Variants in BACH2 observed in about 807,000 individuals in gnomAD.
The protein encoded by BACH2 is BACH transcriptional regulator 2, also known as transcription regulator protein BACH2.
A neutral mutation model predicts 61.8 loss-of-function variants in BACH2; 5 were observed. That is an observed-to-expected ratio of 0.08 (90% CI 0.04 to 0.17). BACH2 has a LOEUF of 0.17. Ranked by LOEUF, BACH2 falls within the 10% of genes least tolerant of loss-of-function variation. The pLI, the probability that BACH2 is intolerant of heterozygous loss-of-function variation, is 1.00. For missense variants in BACH2, 824 were observed against 1,091.1 expected (o/e 0.76, Z 3.45); for synonymous variants, 446 against 440.1 (o/e 1.01, Z -0.17).
intron 5 of BACH2, among the ~76,000 whole-genome samples, chr6:90,027,823 G>C (rs1374796203): frequency 6.6e-6 from 1 of 152,130 alleles, no homozygotes; most frequent in Non-Finnish European, 1.5e-5. Context: ...ATTTAGGATG[G>C]TCCTTGTTTT....
chr6:90,288,884 A>G (rs1772100486), intron 1 of BACH2, among the ~76,000 whole-genome samples: 2 of 152,132 alleles, frequency 1.3e-5, no homozygotes. Flanking sequence ...AAACGCAAAA[A>G]ACAAATTCCC....
chr6:89,980,101 C>A (rs1775867759), intron 6 of BACH2, among the ~76,000 whole-genome samples: 1 of 152,102 alleles, frequency 6.6e-6, no homozygotes, highest in Non-Finnish European at 1.5e-5. Flanking sequence ...TCAAGACCAG[C>A]CTGGCCAACA....
intron 4 of BACH2, among the ~76,000 whole-genome samples, chr6:90,133,915 C>A (rs372252373): frequency 6.6e-6 from 1 of 152,162 alleles, no homozygotes; most frequent in Non-Finnish European, 1.5e-5. Context: ...TGTATATGTG[C>A]CACGTTTTCT....
At chr6:90,023,981 C>T (rs769047797) in intron 5 of BACH2, among the ~76,000 whole-genome samples, 1 of 152,208 alleles carries the variant, frequency 6.6e-6, no homozygotes, top group Admixed American at 6.5e-5. Context: ...AGAAAAGACT[C>T]AGAATAGAGG....
At chr6:90,012,628 CA>C (rs549056946) in intron 5 of BACH2, among the ~76,000 whole-genome samples, 15,245 of 108,448 alleles carry the variant, frequency 0.14, 792 homozygotes, top group Middle Eastern at 0.28. Flanking sequence ...GACTCCACCT[CA>C]AAAAAAAAAA....
chr6:90,050,233 T>C (rs771679719), intron 5 of BACH2, among the ~76,000 whole-genome samples: 1 of 152,200 alleles, frequency 6.6e-6, no homozygotes, highest in Non-Finnish European at 1.5e-5. Flanking sequence ...GTTCCAATCA[T>C]ACAAAATCAT....
At chr6:90,288,822 G>T (rs1772098437) in intron 1 of BACH2, among the ~76,000 whole-genome samples, 1 of 151,982 alleles carries the variant, frequency 6.6e-6, no homozygotes, top group Non-Finnish European at 1.5e-5. Context: ...CCTCTTACAG[G>T]TATAGTTTTT....
chr6:90,173,466 A>T (rs1767885687), intron 4 of BACH2, among the ~76,000 whole-genome samples: 1 of 152,188 alleles, frequency 6.6e-6, no homozygotes, highest in Non-Finnish European at 1.5e-5. Context: ...TGGTATATCC[A>T]TACAGTGAAA....
chr6:90,045,684 C>T (rs1040860716), intron 5 of BACH2, among the ~76,000 whole-genome samples: 2 of 152,106 alleles, frequency 1.3e-5, no homozygotes, highest in Non-Finnish European at 2.9e-5. Flanking sequence ...ATCATATTAC[C>T]AATACCAAAA....
At chr6:89,952,776 T>C (rs1774207897) in intron 6 of BACH2, among the ~76,000 whole-genome samples, 1 of 152,250 alleles carries the variant, frequency 6.6e-6, no homozygotes, top group Non-Finnish European at 1.5e-5. Context: ...ACAGCTTGCA[T>C]ATGCACACAA....
At chr6:89,984,801 GT>G (rs1441259289) in intron 6 of BACH2, among the ~76,000 whole-genome samples, 1 of 152,070 alleles carries the variant, frequency 6.6e-6, no homozygotes, top group African/African-American at 2.4e-5. Context: ...TTTAAATATA[GT>G]TTAAAAAGAA....
In BACH2 at chr6:89,950,225, G is replaced by A; in HGVS notation, c.1836+45C>T. On this transcript the variant is annotated intron_variant, in intron 7 of 8. Transcript: ENST00000257749. This position sits in a 1 kb window ranked among gnomAD's most constrained non-coding sequence, Gnocchi z 5.3. ...GGGCAGGGAGTAGTCCAGATAAAGG[G>A]CCTAGAGAGTGGGTCACATGCTTGA... 1 of 1,607,932 alleles carries A rather than the reference G, an allele frequency of 6.2e-7. No homozygotes were observed. Among genetic ancestry groups the A allele is most frequent in the Non-Finnish European group, 8.5e-7 (1 of 1,174,560 alleles).
chr6:90,032,802 T>C (rs556431016), intron 5 of BACH2, among the ~76,000 whole-genome samples: 2 of 152,226 alleles, frequency 1.3e-5, no homozygotes, highest in Non-Finnish European at 2.9e-5. Flanking sequence ...AGTGTGGCGA[T>C]TCCTCAGGGA....
chr6:90,272,571 T>C (rs1582555239), intron 1 of BACH2, among the ~76,000 whole-genome samples: 1 of 152,328 alleles, frequency 6.6e-6, no homozygotes, highest in Admixed American at 6.5e-5. Flanking sequence ...GCTGCAACAC[T>C]ACTGCTGTGG....
rs1584488961 is a variant in BACH2 at position 89,929,029 on chromosome 6, T to C, written c.*3379A>G. On this transcript the variant is annotated 3_prime_UTR_variant, in exon 9 of 9. Coordinates refer to ENST00000257749, the MANE Select transcript of BACH2 (RefSeq NM_021813.4). ...CCAACTTGAAAAGAGGTTGCCTGGA[T>C]ACACAAGCAGGACAAAGGCAGATCC... 1 of 152,378 alleles carries C rather than the reference T, an allele frequency of 6.6e-6. No individual in the cohort carries two copies. The highest frequency in any genetic ancestry group is 1.5e-5 in the Non-Finnish European group (1 of 68,020). The allele number at this position is 152,378 out of a possible 1,614,324, so 9.4% of individuals were successfully genotyped here. A position where few individuals can be genotyped will look rare whatever the true frequency, so the allele number is the denominator to read the frequency against.
chr6:90,287,307 T>C (rs1772050013), intron 1 of BACH2, among the ~76,000 whole-genome samples: 1 of 152,226 alleles, frequency 6.6e-6, no homozygotes, highest in Non-Finnish European at 1.5e-5. Flanking sequence ...ACACCAATTT[T>C]GAAATAAATT....
At chr6:90,220,949 T>C (rs923773249) in intron 3 of BACH2, among the ~76,000 whole-genome samples, 2 of 152,202 alleles carry the variant, frequency 1.3e-5, no homozygotes, top group African/African-American at 4.8e-5. Flanking sequence ...AGCTCAATTA[T>C]ACAAGGATCC....
At chr6:90,234,774 A>G (rs1029412041) in intron 3 of BACH2, among the ~76,000 whole-genome samples, 1 of 152,222 alleles carries the variant, frequency 6.6e-6, no homozygotes, top group African/African-American at 2.4e-5. Context: ...CCTGCTGATG[A>G]AAGAACAGCA....
At chr6:90,127,713 G>A (rs143693670) in intron 4 of BACH2, among the ~76,000 whole-genome samples, 48 of 152,286 alleles carry the variant, frequency 3.2e-4, no homozygotes, top group African/African-American at 1.1e-3. Context: ...CTAGTATTTG[G>A]CCTCATGTGG....
Sources: allele counts gnomAD v4.1 joint callset (sites outside exome capture counted in the v4.1 genomes callset), GRCh38; gene constraint gnomAD v4.1.1; non-coding constraint Gnocchi (gnomAD v3.1); transcripts MANE v1.5; gene names NCBI Gene and HGNC (gene_info 2026-07-23, HGNC 2026-07-21).